The following HMGB1 variants were observed in gnomAD, a reference collection of about 807,000 sequenced individuals.
The protein encoded by HMGB1 is high mobility group protein B1.
For synonymous variants in HMGB1, 81 were observed against 84.0 expected, an observed-to-expected ratio of 0.96 and a Z score of 0.19; for missense variants, 79 against 253.5, an observed-to-expected ratio of 0.31 and a Z score of 4.67.
chr13:30,562,313 G>C (rs1365630295), intron 1 of HMGB1, among the ~76,000 whole-genome samples: 1 of 143,630 alleles, frequency 7.0e-6, no homozygotes, highest in Non-Finnish European at 1.5e-5. Context: ...AAAAAAAAAA[G>C]ATGTATTTAT....
chr13:30,469,156 G>A (rs141489193), upstream of HMGB1, among the ~76,000 whole-genome samples: 140 of 152,238 alleles, frequency 9.2e-4, no homozygotes, highest in African/African-American at 3.2e-3. Flanking sequence ...CTCCCAAAGT[G>A]CTAAGATTAC....
chr13:30,487,026 T>C (rs928830752), intron 1 of HMGB1, among the ~76,000 whole-genome samples: 1 of 152,106 alleles, frequency 6.6e-6, no homozygotes, highest in Non-Finnish European at 1.5e-5. Context: ...TATGAAAGAA[T>C]TGTAACAGGA....
intron 1 of HMGB1, among the ~76,000 whole-genome samples, chr13:30,510,109 C>T (rs1441298989): frequency 1.3e-5 from 2 of 152,226 alleles, no homozygotes; most frequent in Admixed American, 6.5e-5. Context: ...TCTTCCTCCA[C>T]CACCTCCTGC....
intron 1 of HMGB1, among the ~76,000 whole-genome samples, chr13:30,501,621 T>A (rs1887738116): frequency 6.6e-6 from 1 of 152,210 alleles, no homozygotes; most frequent in Non-Finnish European, 1.5e-5. Context: ...AAAGGTTGAT[T>A]GTTGTAAATA....
At chr13:30,506,377 C>T (rs978153846) in intron 1 of HMGB1, among the ~76,000 whole-genome samples, 1 of 152,196 alleles carries the variant, frequency 6.6e-6, no homozygotes, top group African/African-American at 2.4e-5. Flanking sequence ...AGGTCAGCTG[C>T]GTTCCCAGAC....
At chr13:30,560,473 C>G (rs1869900953) in intron 1 of HMGB1, among the ~76,000 whole-genome samples, 4 of 152,174 alleles carry the variant, frequency 2.6e-5, no homozygotes, top group Admixed American at 2.6e-4. Flanking sequence ...GCTACTCTTT[C>G]AAGAAGCTCA....
intron 1 of HMGB1, among the ~76,000 whole-genome samples, chr13:30,471,960 G>A (rs941865756): frequency 1.3e-5 from 2 of 151,414 alleles, no homozygotes; most frequent in African/African-American, 2.4e-5. Flanking sequence ...GAGCCACCGC[G>A]GCTGGCCACC....
chr13:30,463,236 G>C lies in HMGB1; in HGVS notation c.267C>G (p.Phe89Leu). Residue 89 changes from phenylalanine to leucine, a missense_variant, in exon 3 of 5, where the codon TTC becomes TTG. By Grantham distance (22) the Phe-to-Leu change is conservative (BLOSUM62 0). Transcript: ENST00000341423. ...IPPKGETKKK[F>L]KDPNAPKRPP... ...GCCTCTTGGGTGCATTGGGATCCTT[G>C]AACTTCTTTTTTGTCTCCCCTTTGG... 1 of 1,603,502 alleles carries C rather than the reference G, an allele frequency of 6.2e-7. No individual in the cohort carries two copies. The highest frequency in any genetic ancestry group is 8.5e-7 in the Non-Finnish European group (1 of 1,178,174).
intron 1 of HMGB1, among the ~76,000 whole-genome samples, chr13:30,586,491 T>G (rs1020433031): frequency 7.1e-4 from 102 of 143,726 alleles, no homozygotes; most frequent in Non-Finnish European, 1.1e-3. Context: ...TTTTTTTTTT[T>G]TTTTTTTTTT....
intron 1 of HMGB1, among the ~76,000 whole-genome samples, chr13:30,581,068 T>G (rs1566031221): frequency 6.6e-6 from 1 of 152,098 alleles, no homozygotes; most frequent in Non-Finnish European, 1.5e-5. Context: ...ATTACAGGCA[T>G]GAGTCACCAT....
chr13:30,490,942 C>T (rs574838266), intron 1 of HMGB1, among the ~76,000 whole-genome samples: 130 of 152,268 alleles, frequency 8.5e-4, no homozygotes, highest in Admixed American at 1.7e-3. Flanking sequence ...GATATCTTCA[C>T]CTGCAAGTGA....
At chr13:30,502,957 A>G (rs575535261) in intron 1 of HMGB1, among the ~76,000 whole-genome samples, 1 of 152,222 alleles carries the variant, frequency 6.6e-6, no homozygotes, top group South Asian at 2.1e-4. Flanking sequence ...GGCGTGAGCC[A>G]TGGCGTCCGG....
chr13:30,577,968 G>T (rs1267562511), intron 1 of HMGB1, among the ~76,000 whole-genome samples: 1 of 152,088 alleles, frequency 6.6e-6, no homozygotes, highest in African/African-American at 2.4e-5. Context: ...GAATCCCCAA[G>T]TTCCACTACA....
At chr13:30,501,018 A>C (rs9506316) in intron 1 of HMGB1, among the ~76,000 whole-genome samples, 125,517 of 151,806 alleles carry the variant, frequency 0.83, 56,795 homozygotes, top group East Asian at 1. Context: ...GACATGGGGT[A>C]TTGCAGTGTT....
intron 1 of HMGB1, 96 bp downstream of exon 1, chr13:30,465,700 T>C (rs1886744329): frequency 3.4e-6 from 2 of 595,136 alleles, no homozygotes; most frequent in Non-Finnish European, 4.2e-6. Flanking sequence ...GTGTGGATCC[T>C]GACCCGCCGG....
intron 1 of HMGB1, among the ~76,000 whole-genome samples, chr13:30,569,580 A>G (rs909488234): frequency 6.6e-6 from 1 of 152,186 alleles, no homozygotes; most frequent in Admixed American, 6.5e-5. Flanking sequence ...GAGAACACTG[A>G]GAAGACAATG....
At chr13:30,465,476 A>G (rs1442785223) in intron 1 of HMGB1, among the ~76,000 whole-genome samples, 1 of 146,736 alleles carries the variant, frequency 6.8e-6, no homozygotes, top group East Asian at 2.0e-4. Flanking sequence ...AGGGCCCAAA[A>G]CACGTTCAAA....
intron 1 of HMGB1, among the ~76,000 whole-genome samples, chr13:30,531,284 C>A (rs143913349): frequency 1.5e-3 from 222 of 152,070 alleles, no homozygotes; most frequent in African/African-American, 5.1e-3. Flanking sequence ...ACAGGTGCCC[C>A]GAGCCTGCTG....
intron 1 of HMGB1, among the ~76,000 whole-genome samples, chr13:30,482,365 T>C (rs1427097042): frequency 6.6e-6 from 1 of 152,214 alleles, no homozygotes; most frequent in Non-Finnish European, 1.5e-5. Flanking sequence ...AAGCTCATGT[T>C]TTATTAGTTA....
Sources: allele counts gnomAD v4.1 joint callset (sites outside exome capture counted in the v4.1 genomes callset), GRCh38; gene constraint gnomAD v4.1.1; transcripts MANE v1.5; gene names NCBI Gene and HGNC (gene_info 2026-07-23, HGNC 2026-07-21).